PARN: variants seen among roughly 807,000 people sequenced by gnomAD.
The protein encoded by PARN is poly(A)-specific ribonuclease, also known as poly(A)-specific ribonuclease PARN.
A neutral mutation model predicts 102.8 loss-of-function variants in PARN; 71 were observed. The observed-to-expected ratio is 0.69, with a 90% CI of 0.57 to 0.84. PARN has a LOEUF of 0.84. Among genes scored for constraint, PARN ranks in the 40% least tolerant of loss-of-function variants. PARN has a pLI of 0.00. For synonymous variants in PARN, 261 were observed against 252.9 expected (o/e 1.03, Z -0.30); for missense variants, 782 against 760.9 (o/e 1.03, Z -0.33).
At chr16:14,463,779 G>C (rs185301624) in intron 22 of PARN, among the ~76,000 whole-genome samples, 1 of 147,506 alleles carries the variant, frequency 6.8e-6, no homozygotes, top group Non-Finnish European at 1.5e-5. Context: ...AAATGAGAGC[G>C]GGAAAAAGAA....
chr16:14,512,372 G>C (rs944290118), intron 21 of PARN, among the ~76,000 whole-genome samples: 1 of 152,084 alleles, frequency 6.6e-6, no homozygotes. Flanking sequence ...GTGTGGTGGT[G>C]CACGCCTGTA....
chr16:14,451,869 C>G (rs201401453), intron 22 of PARN, among the ~76,000 whole-genome samples: 4 of 52,498 alleles, frequency 7.6e-5, no homozygotes, highest in Admixed American at 2.8e-4. Context: ...AAAAAAAATA[C>G]AAAAAAAAAA....
chr16:14,449,194 G>A (rs1337717109), intron 22 of PARN, among the ~76,000 whole-genome samples: 1 of 152,100 alleles, frequency 6.6e-6, no homozygotes, highest in African/African-American at 2.4e-5. Context: ...AATACTCTGT[G>A]AAATACAAAG....
chr16:14,540,817 G>A (rs1310551819), intron 21 of PARN, among the ~76,000 whole-genome samples: 1 of 152,032 alleles, frequency 6.6e-6, no homozygotes, highest in Non-Finnish European at 1.5e-5. Context: ...TGGGCATGGT[G>A]GTGTACATCT....
chr16:14,619,840 G>C (rs1298927500), intron 5 of PARN, among the ~76,000 whole-genome samples: 1 of 151,974 alleles, frequency 6.6e-6, no homozygotes, highest in Non-Finnish European at 1.5e-5. Flanking sequence ...CGGAGGCTGA[G>C]GCAGGCGGAT....
chr16:14,553,324 C>T (rs1479564991), intron 20 of PARN, among the ~76,000 whole-genome samples: 1 of 150,768 alleles, frequency 6.6e-6, no homozygotes, highest in Admixed American at 6.6e-5. Context: ...AAGCCTACTT[C>T]GTATCTGCTT....
At chr16:14,505,378 G>C (rs1474868126) in intron 21 of PARN, among the ~76,000 whole-genome samples, 1 of 152,246 alleles carries the variant, frequency 6.6e-6, no homozygotes, top group Non-Finnish European at 1.5e-5. Flanking sequence ...TCCAGAGGCT[G>C]AGGTGGGAGG....
intron 21 of PARN, among the ~76,000 whole-genome samples, chr16:14,497,455 G>T (rs1307612343): frequency 6.6e-6 from 1 of 152,210 alleles, no homozygotes; most frequent in Non-Finnish European, 1.5e-5. Context: ...AACTTCAGAT[G>T]CCAGGTACAA....
intron 5 of PARN, 125 bp downstream of exon 5, chr16:14,626,981 G>T (rs1972713462): frequency 1.5e-6 from 1 of 650,510 alleles, no homozygotes; most frequent in Admixed American, 2.6e-5. Flanking sequence ...CCCTAAAACT[G>T]AAGGTCAAAG....
chr16:14,508,069 A>C (rs1363216456), intron 21 of PARN, among the ~76,000 whole-genome samples: 1 of 152,220 alleles, frequency 6.6e-6, no homozygotes, highest in Non-Finnish European at 1.5e-5. Flanking sequence ...ATTATGTTTC[A>C]TTATTGTGTG....
At chr16:14,461,241 T>C (rs1042479879) in intron 22 of PARN, among the ~76,000 whole-genome samples, 3 of 152,066 alleles carry the variant, frequency 2.0e-5, no homozygotes, top group Admixed American at 2.0e-4. Context: ...TGGCCAAATA[T>C]AATATGGTAT....
chr16:14,451,510 G>C (rs182969118), intron 22 of PARN, among the ~76,000 whole-genome samples: 145 of 152,202 alleles, frequency 9.5e-4, no homozygotes, highest in African/African-American at 3.4e-3. Context: ...CATTCTAAGT[G>C]AATGAAGCCT....
intron 21 of PARN, among the ~76,000 whole-genome samples, chr16:14,510,731 C>T (rs1180363379): frequency 6.6e-6 from 1 of 152,208 alleles, no homozygotes; most frequent in Non-Finnish European, 1.5e-5. Flanking sequence ...CGGCTGCCAA[C>T]AGCATGAGGC....
intron 22 of PARN, among the ~76,000 whole-genome samples, chr16:14,457,947 T>TGA (rs909541843): frequency 9.3e-5 from 14 of 150,284 alleles, no homozygotes; most frequent in Non-Finnish European, 1.9e-4. Flanking sequence ...TGTGTGTGTG[T>TGA]GAGAGAGAGA....
intron 14 of PARN, among the ~76,000 whole-genome samples, chr16:14,585,270 G>A (rs773898003): frequency 5.3e-5 from 8 of 151,806 alleles, no homozygotes; most frequent in Non-Finnish European, 1.2e-4. Flanking sequence ...GTACTTTCAC[G>A]CTGTTGTTTT....
intron 23 of PARN, among the ~76,000 whole-genome samples, chr16:14,443,923 G>A (rs539315015): frequency 9.2e-4 from 140 of 152,066 alleles, no homozygotes; most frequent in Non-Finnish European, 1.6e-3. Context: ...AGACTTTGTC[G>A]CGCCGTGCCT....
intron 12 of PARN, among the ~76,000 whole-genome samples, chr16:14,593,870 G>A (rs1368977381): frequency 6.6e-6 from 1 of 151,946 alleles, no homozygotes; most frequent in East Asian, 1.9e-4. Flanking sequence ...GGTGGTGCAT[G>A]CCTATAACTC....
At chr16:14,546,893 G>T (rs1966976517) in intron 21 of PARN, among the ~76,000 whole-genome samples, 1 of 152,082 alleles carries the variant, frequency 6.6e-6, no homozygotes, top group Non-Finnish European at 1.5e-5. Flanking sequence ...AGGAGTTCGA[G>T]ACCAGCCTGA....
At chr16:14,595,072 G>A (rs1329868890) in intron 12 of PARN, among the ~76,000 whole-genome samples, 4 of 152,194 alleles carry the variant, frequency 2.6e-5, no homozygotes, top group Non-Finnish European at 4.4e-5. Flanking sequence ...ACTAGATACT[G>A]TAAGGCTAAA....
Sources: gnomAD v4.1 joint callset for allele counts (sites outside exome capture counted in the v4.1 genomes callset) on GRCh38, gnomAD v4.1.1 for gene constraint, MANE v1.5 for transcripts, NCBI Gene and HGNC (gene_info 2026-07-23, HGNC 2026-07-21) for gene names.